The following MROH1 variants were observed in gnomAD, a reference collection of about 807,000 sequenced individuals.
MROH1 encodes the protein maestro heat-like repeat-containing protein family member 1.
In MROH1, 117 loss-of-function variants were observed where a neutral mutation model predicts 116.5. The ratio of observed to expected loss-of-function variants is 1.00; its 90% CI spans 0.86 to 1.17. The LOEUF is 1.17. Ranked by LOEUF, MROH1 falls within the 50% of genes most tolerant of loss-of-function variation. The pLI is 0.00. For synonymous variants in MROH1, 921 were observed against 583.9 expected (o/e 1.58, Z -8.32); for missense variants, 1,873 against 1,338.5 (o/e 1.40, Z -6.23).
At chr8:144,197,687 G>A (rs938901707) in intron 10 of MROH1, among the ~76,000 whole-genome samples, 5 of 149,398 alleles carry the variant, frequency 3.3e-5, no homozygotes, top group East Asian at 2.0e-4. Context: ...CGCCCACCTC[G>A]GCCTCCCAAA....
At chr8:144,198,001 G>C (rs1267444337) in intron 10 of MROH1, among the ~76,000 whole-genome samples, 8 of 148,432 alleles carry the variant, frequency 5.4e-5, no homozygotes, top group African/African-American at 2.0e-4. Flanking sequence ...GTGAGCCAAG[G>C]TCACGCCATT....
intron 12 of MROH1, among the ~76,000 whole-genome samples, chr8:144,209,012 A>G (rs570910952): frequency 1.4e-5 from 2 of 147,984 alleles, no homozygotes; most frequent in South Asian, 2.1e-4. Context: ...GCATGAGCCA[A>G]TGCACTCGGC....
chr8:144,222,785 C>T (rs997214146), intron 13 of MROH1, among the ~76,000 whole-genome samples: 19 of 151,402 alleles, frequency 1.3e-4, no homozygotes, highest in Admixed American at 4.6e-4. Flanking sequence ...GGCGTTGGCA[C>T]AGGTATGTGG....
At chr8:144,212,984 C>G in intron 12 of MROH1, 1 of 773,568 alleles carries the variant, frequency 1.3e-6, no homozygotes, top group Non-Finnish European at 2.4e-6. Context: ...TGTTTGATCT[C>G]GTTACACAGG....
In MROH1 at chr8:144,239,697, C is replaced by G; in HGVS notation, c.1716C>G (p.His572Gln). 1.4e-6 allele frequency: 1 copy of G among 739,026 alleles called. No individual in the cohort carries two copies. The highest frequency in any genetic ancestry group is 2.5e-6 in the Non-Finnish European group (1 of 397,198). The allele number at this position is 739,026 out of a possible 1,614,324, so 45.8% of individuals were successfully genotyped here. A position where few individuals can be genotyped will look rare whatever the true frequency, so the allele number is the denominator to read the frequency against. Residue 572 changes from histidine to glutamine, a missense_variant, in exon 18 of 44, where the codon CAC becomes CAG. Coordinates refer to ENST00000326134, the MANE Select transcript of MROH1 (RefSeq NM_032450.3). ...RLLSVLHPNI[H>Q]PLLGQHWETT... ...TCAGTGTTCTGCACCCAAACATTCA[C>G]CCTTTGCTGGGTCAGCATTGGGAAA...
intron 4 of MROH1, among the ~76,000 whole-genome samples, chr8:144,169,266 A>ACC (rs1246742367): frequency 3.3e-5 from 5 of 152,064 alleles, no homozygotes; most frequent in African/African-American, 1.2e-4. Context: ...GTAAAAAGGG[A>ACC]CCTCTATACA....
chr8:144,202,517 T>G (rs1382356362), intron 12 of MROH1, among the ~76,000 whole-genome samples: 2 of 127,350 alleles, frequency 1.6e-5, no homozygotes, highest in Non-Finnish European at 3.3e-5. Flanking sequence ...ACGGGCTCTC[T>G]GTGGAGGGGT....
intron 19 of MROH1, 76 bp downstream of exon 19, chr8:144,240,229 G>T: frequency 1.5e-6 from 1 of 679,996 alleles, no homozygotes; most frequent in Non-Finnish European, 2.7e-6. Flanking sequence ...GGCAGAGGCT[G>T]GGCCACCTGC....
intron 12 of MROH1, among the ~76,000 whole-genome samples, chr8:144,217,274 C>A (rs1403340384): frequency 1.3e-5 from 2 of 152,210 alleles, no homozygotes; most frequent in Non-Finnish European, 2.9e-5. Flanking sequence ...TGCTTTCTAA[C>A]AGTTCAGTGT....
chr8:144,191,008 A>G, intron 8 of MROH1, 73 bp downstream of exon 8: 1 of 1,506,738 alleles, frequency 6.6e-7, no homozygotes, highest in Non-Finnish European at 9.0e-7. Context: ...TGCCCGTGGC[A>G]AATTGATCAG....
intron 1 of MROH1, among the ~76,000 whole-genome samples, chr8:144,160,109 T>G (rs1015296998): frequency 6.6e-6 from 1 of 152,232 alleles, no homozygotes; most frequent in Non-Finnish European, 1.5e-5. Flanking sequence ...GCGTTGCTTT[T>G]GCTTGGTGTT....
intron 35 of MROH1, 78 bp downstream of exon 35, chr8:144,255,783 G>A (rs979806246): frequency 4.7e-5 from 32 of 683,796 alleles, no homozygotes; most frequent in African/African-American, 1.9e-4. Context: ...TGGTGGGGGC[G>A]GACGGCAGAT....
At chr8:144,218,022 G>T (rs1458655641) in intron 12 of MROH1, among the ~76,000 whole-genome samples, 1 of 140,488 alleles carries the variant, frequency 7.1e-6, no homozygotes, top group Non-Finnish European at 1.6e-5. Context: ...GGATCCCTCT[G>T]GGTGGCTGCG....
At chr8:144,175,265 T>C (rs1331318986) in intron 4 of MROH1, 2 of 665,496 alleles carry the variant, frequency 3.0e-6, no homozygotes, top group Non-Finnish European at 3.7e-6. Flanking sequence ...TGGGTATAAA[T>C]GCCCTGCTGC....
At chr8:144,179,322 G>T (rs757684825) in intron 4 of MROH1, 133 bp from the exon 5 acceptor site, 131 of 1,330,776 alleles carry the variant, frequency 9.8e-5, no homozygotes, top group Non-Finnish European at 1.2e-4. Context: ...GGAGTGATCA[G>T]GTGTACCCCT....
chr8:144,198,081 A>C (rs1830348103), intron 10 of MROH1, among the ~76,000 whole-genome samples: 1 of 151,526 alleles, frequency 6.6e-6, no homozygotes, highest in Non-Finnish European at 1.5e-5. Context: ...AAAATAAATA[A>C]CAAGGAGCTA....
chr8:144,229,033 C>G (rs1418655198), intron 14 of MROH1, among the ~76,000 whole-genome samples: 4 of 152,202 alleles, frequency 2.6e-5, no homozygotes, highest in Non-Finnish European at 5.9e-5. Context: ...CTTTGCCCAT[C>G]CAAAAGAAAC....
chr8:144,176,536 G>A (rs369384481), intron 4 of MROH1, among the ~76,000 whole-genome samples: 133 of 129,602 alleles, frequency 1.0e-3, no homozygotes, highest in Admixed American at 1.3e-3. Context: ...CCCTGACTCA[G>A]AAAAAAAAAA....
At chr8:144,216,046 G>A (rs1380161671) in intron 12 of MROH1, among the ~76,000 whole-genome samples, 3 of 152,000 alleles carry the variant, frequency 2.0e-5, no homozygotes, top group Non-Finnish European at 2.9e-5. Flanking sequence ...TTAGCCGGGC[G>A]TGGTGGCACA....
Sources: allele counts gnomAD v4.1 joint callset (sites outside exome capture counted in the v4.1 genomes callset), GRCh38; gene constraint gnomAD v4.1.1; transcripts MANE v1.5; gene names NCBI Gene and HGNC (gene_info 2026-07-23, HGNC 2026-07-21).